PITPNM2: variants seen among roughly 807,000 people sequenced by gnomAD.
The protein encoded by PITPNM2 is phosphatidylinositol transfer protein membrane associated 2, also known as membrane-associated phosphatidylinositol transfer protein 2.
In PITPNM2, 35 loss-of-function variants were observed where a neutral mutation model predicts 132.2. That is an observed-to-expected ratio of 0.26 (90% CI 0.20 to 0.35). The LOEUF (loss-of-function observed/expected upper bound fraction) is 0.35, where lower values mean the gene tolerates loss of function less well. Ranked by LOEUF, PITPNM2 falls within the 10% of genes least tolerant of loss-of-function variation. The pLI is 1.00. For synonymous variants in PITPNM2, 738 were observed against 799.2 expected (o/e 0.92, Z 1.29); for missense variants, 1,332 against 1,912.0 (o/e 0.70, Z 5.66).
rs541531853 is a variant in PITPNM2 at position 123,145,586 on chromosome 12, G to A, written c.-200+5167C>T. Among the ~76,000 whole-genome samples the A allele has an allele frequency of 1.2e-4, 18 of 152,310 alleles. No homozygotes were observed. The East Asian group carries it at 2.9e-3, about 24-fold the overall frequency. On this transcript the variant is annotated intron_variant, in intron 1 of 25. Coordinates refer to ENST00000320201, the MANE Select transcript of PITPNM2 (RefSeq NM_020845.3). ...TATGAAGAATGGGGAACTTCAACAA[G>A]GAGAGTGTGAAACTGATTTTTCCAT...
chr12:123,120,014 TGAGTCAAAGG>T lies in PITPNM2; in HGVS notation c.-199-9536_-199-9527del, dbSNP rs1426473318. On this transcript the variant is annotated intron_variant, in intron 1 of 25. Coordinates refer to ENST00000320201, the MANE Select transcript of PITPNM2 (RefSeq NM_020845.3). ...GTCGTGTTACCTACTTGACAACCAGTGAGTCAAAGGGAAACTCATCACAGGTGCCTGTATG... is the reference window on the plus strand; with the variant it reads ...GTCGTGTTACCTACTTGACAACCAGTGAAACTCATCACAGGTGCCTGTATG... 2.6e-5 allele frequency among the ~76,000 whole-genome samples: 4 copies of T among 152,216 alleles called. No homozygotes were observed. The East Asian group carries it at 7.7e-4, about 29-fold the overall frequency.
chr12:122,991,943 G>C, intron 16 of PITPNM2: 1 of 1,302,638 alleles, frequency 7.7e-7, no homozygotes, highest in African/African-American at 1.5e-5. Context: ...ACAGACACTT[G>C]CATGGGCCAT....
At chr12:123,085,562 T>TA (rs955587444) in intron 2 of PITPNM2, among the ~76,000 whole-genome samples, 1 of 151,906 alleles carries the variant, frequency 6.6e-6, no homozygotes, top group Admixed American at 6.6e-5. Flanking sequence ...TTTGGGATGA[T>TA]AAAAAAAATT....
chr12:123,040,136 T>C (rs1211413639), intron 2 of PITPNM2, among the ~76,000 whole-genome samples: 1 of 152,054 alleles, frequency 6.6e-6, no homozygotes, highest in Non-Finnish European at 1.5e-5. Context: ...TCTCAAAAAA[T>C]AAATAAAGTT....
rs1328009662 is a variant in PITPNM2, at chr12:123,108,465, G to A, written c.-96+1920C>T. Among the ~76,000 whole-genome samples the A allele has an allele frequency of 2.6e-5, 4 of 152,062 alleles. No homozygotes were observed. The highest frequency in any genetic ancestry group is 4.8e-5 in the African/African-American group (2 of 41,384). ...CATGCAGGGCAGAAGAGCTCTCACC[G>A]GGCCCTGCCTCGACTTGGCAGCCAA... On this transcript the variant is annotated intron_variant, in intron 2 of 25. Transcript: ENST00000320201. The surrounding 1 kb of genome is among the most constrained non-coding windows in gnomAD (Gnocchi z 4.4).
In PITPNM2 at chr12:123,002,423, A is replaced by AT. The variant is rs201140855; in HGVS notation, c.1049-1266dup. 7.1e-4 allele frequency among the ~76,000 whole-genome samples: 108 copies of AT among 152,244 alleles called. 3 individuals are homozygous for AT. In the East Asian group the frequency reaches 0.019, roughly 27 times the overall value. ...ATTTTTAAAATTTCTTATATATTTT[A>AT]TTTTTTTGAGATAGGGTCTTGCTTT... On this transcript the variant is annotated intron_variant, in intron 8 of 25. Transcript: ENST00000320201.
chr12:123,104,017 G>A (rs968515495), intron 2 of PITPNM2, among the ~76,000 whole-genome samples: 4 of 152,090 alleles, frequency 2.6e-5, no homozygotes, highest in African/African-American at 9.7e-5. Context: ...TTGAACCTCC[G>A]GGTTCAAGCA....
At chr12:122,995,071 C>G in intron 14 of PITPNM2, 92 bp from the exon 15 acceptor site, 1 of 1,361,614 alleles carries the variant, frequency 7.3e-7, no homozygotes, top group South Asian at 1.5e-5. Flanking sequence ...CAACCTCTCT[C>G]GGGGGCCCAC....
intron 2 of PITPNM2, among the ~76,000 whole-genome samples, chr12:123,060,327 C>T (rs929532652): frequency 1.3e-5 from 2 of 152,206 alleles, no homozygotes; most frequent in Non-Finnish European, 2.9e-5. Context: ...CACCCTCACC[C>T]GTGAGGACCC....
intron 2 of PITPNM2, chr12:123,084,093 AAG>A (rs1354055013): frequency 1.3e-5 from 2 of 152,274 alleles, no homozygotes; most frequent in Non-Finnish European, 2.9e-5. Flanking sequence ...GTGGCATCTA[AAG>A]AGAGGGCAGC....
intron 2 of PITPNM2, among the ~76,000 whole-genome samples, chr12:123,059,918 C>T (rs2041175904): frequency 6.6e-6 from 1 of 152,056 alleles, no homozygotes; most frequent in South Asian, 2.1e-4. Flanking sequence ...ATCTTGTATG[C>T]ATACTATATG....
chr12:123,021,357 G>C (rs1284789777), intron 3 of PITPNM2, among the ~76,000 whole-genome samples: 1 of 152,082 alleles, frequency 6.6e-6, no homozygotes, highest in Non-Finnish European at 1.5e-5. Context: ...TATGAGATAG[G>C]GTCTCAATCT....
At chr12:123,151,705 CAATGGGAAG>C (rs1449805135), upstream of PITPNM2, among the ~76,000 whole-genome samples, 2 of 152,130 alleles carry the variant, frequency 1.3e-5, no homozygotes, top group Admixed American at 6.5e-5. Flanking sequence ...CAGGGCTCTC[CAATGGGAAG>C]AGCCCCCGGT....
intron 16 of PITPNM2, chr12:122,991,727 G>A (rs375987995): frequency 1.5e-5 from 20 of 1,294,938 alleles, no homozygotes; most frequent in Non-Finnish European, 1.6e-5. Flanking sequence ...CGAAGCAGAC[G>A]TCACCACGAG....
At chr12:123,029,488 A>G (rs563852858) in intron 3 of PITPNM2, among the ~76,000 whole-genome samples, 42 of 152,334 alleles carry the variant, frequency 2.8e-4, no homozygotes, top group African/African-American at 7.2e-4. Flanking sequence ...GGGGAGACTG[A>G]GGCAGAGGAA....
intron 2 of PITPNM2, among the ~76,000 whole-genome samples, chr12:123,076,970 A>G (rs547611207): frequency 6.6e-6 from 1 of 152,258 alleles, no homozygotes; most frequent in African/African-American, 2.4e-5. Context: ...TGTGCCGGGC[A>G]TGGGTCGGAG....
rs2042438593 is a variant in PITPNM2 at position 123,097,389 on chromosome 12, A to G, written c.-96+12996T>C. ...GATTGCAAAGTGCTAAGGGGGAAAGACTTTCAGCAGCCCACTTTTCTGCAC... is the reference window on the plus strand; with the variant it reads ...GATTGCAAAGTGCTAAGGGGGAAAGGCTTTCAGCAGCCCACTTTTCTGCAC... On this transcript the variant is annotated intron_variant, in intron 2 of 25. Transcript: ENST00000320201. The surrounding 1 kb of genome is among the most constrained non-coding windows in gnomAD (Gnocchi z 4.7). 6.6e-6 allele frequency among the ~76,000 whole-genome samples: 1 copy of G among 152,102 alleles called. No individual in the cohort carries two copies. The highest frequency in any genetic ancestry group is 2.1e-4 in the South Asian group (1 of 4,822).
intron 1 of PITPNM2, among the ~76,000 whole-genome samples, chr12:123,139,932 A>G (rs1414415623): frequency 2.0e-5 from 3 of 152,198 alleles, no homozygotes; most frequent in Non-Finnish European, 4.4e-5. Flanking sequence ...CAGAGATTTA[A>G]TTAAATCCCT....
intron 1 of PITPNM2, among the ~76,000 whole-genome samples, chr12:123,139,176 T>C (rs561706051): frequency 1.3e-5 from 2 of 151,958 alleles, no homozygotes; most frequent in Non-Finnish European, 2.9e-5. Flanking sequence ...TAATTTCATA[T>C]CATGTGTAAA....
Sources: allele counts gnomAD v4.1 joint callset (sites outside exome capture counted in the v4.1 genomes callset), GRCh38; gene constraint gnomAD v4.1.1; non-coding constraint Gnocchi (gnomAD v3.1); transcripts MANE v1.5; gene names NCBI Gene and HGNC (gene_info 2026-07-23, HGNC 2026-07-21).